NOM1: variants seen among roughly 807,000 people sequenced by gnomAD.
The protein encoded by NOM1 is nucleolar protein with MIF4G domain 1, also known as nucleolar MIF4G domain-containing protein 1.
A neutral mutation model predicts 73.3 loss-of-function variants in NOM1; 58 were observed. The observed-to-expected ratio is 0.79, with a 90% confidence interval of 0.64 to 0.99. NOM1 has a LOEUF of 0.99. NOM1 is among the 50% of genes least tolerant of loss of function. The pLI, the probability that NOM1 is intolerant of heterozygous loss-of-function variation, is 0.00. For synonymous variants in NOM1, 487 were observed against 446.8 expected (o/e 1.09, Z -1.14); for missense variants, 1,226 against 1,131.9 (o/e 1.08, Z -1.19).
At position 156,971,205 on chromosome 7, in the gene NOM1, A is replaced by G. The variant is rs1805132087; in HGVS notation, c.*1502A>G. ...AGACTCAATTTAAATCTTACCTTTG[A>G]TTGTTGAAAAAAGTCACTAAGATGT... On this transcript the variant is annotated 3_prime_UTR_variant, in exon 11 of 11. Transcript: ENST00000275820. 1 of 152,110 alleles carries G rather than the reference A, an allele frequency of 6.6e-6. No individual in the cohort carries two copies. The highest frequency in any genetic ancestry group is 6.5e-5 in the Admixed American group (1 of 15,280). The allele number at this position is 152,110 out of a possible 1,614,324, so 9.4% of individuals were successfully genotyped here.
At chr7:156,962,082 T>G (rs1804877930) in intron 4 of NOM1, 69 bp from the exon 5 acceptor site, 2 of 1,316,536 alleles carry the variant, frequency 1.5e-6, no homozygotes, top group Middle Eastern at 1.8e-4. Context: ...GTAGATTTCT[T>G]GCCAACTTGA....
intron 3 of NOM1, 149 bp downstream of exon 3, chr7:156,954,447 T>A: frequency 1.6e-6 from 1 of 616,548 alleles, no homozygotes; most frequent in Non-Finnish European, 2.5e-6. Flanking sequence ...GTCTATGTCA[T>A]GTAGTTGTAA....
At chr7:156,965,495 G>A (rs1323402836) in intron 7 of NOM1, among the ~76,000 whole-genome samples, 2 of 152,228 alleles carry the variant, frequency 1.3e-5, no homozygotes, top group Non-Finnish European at 2.9e-5. Context: ...ACGGCCCCAG[G>A]TTCTCACGGG....
Position 156,962,146 on chromosome 7 carries a change from T to C in NOM1, c.1633-5T>C. 1.2e-6 allele frequency: 2 copies of C among 1,612,804 alleles called. No individual in the cohort carries two copies. The highest frequency in any genetic ancestry group is 1.7e-6 in the Non-Finnish European group (2 of 1,178,948). On this transcript the variant is annotated splice_region_variant and splice_polypyrimidine_tract_variant and intron_variant, in intron 4 of 10. Coordinates refer to ENST00000275820, the MANE Select transcript of NOM1 (RefSeq NM_138400.2). ...GGACTTTCCATTTTTTCATTTTTCT[T>C]GAAGATTCGGTTTATGCTAGAGACG...
In NOM1 at chr7:156,963,139, T is replaced by C. The variant is rs201678028; in HGVS notation, c.1875T>C (p.Ser625=). 6 of 1,614,096 alleles carry C rather than the reference T, an allele frequency of 3.7e-6. No individual in the cohort carries two copies. Among genetic ancestry groups the C allele is most frequent in the Non-Finnish European group, 3.4e-6 (4 of 1,180,018 alleles). The change falls in exon 6 of 11, where the codon AGT becomes AGC. Residue 625 remains serine (S), a synonymous_variant. Coordinates refer to ENST00000275820, the MANE Select transcript of NOM1 (RefSeq NM_138400.2). ...GTGGGGCCCCGATGATCGACAACAGTCACCATACGCACCTGCAGAAGCAGC... is the reference window on the plus strand; with the variant it reads ...GTGGGGCCCCGATGATCGACAACAGCCACCATACGCACCTGCAGAAGCAGC... ...AWSGAPMIDN[S]HHTHLQKQLV... is the part of the protein sequence containing the mutation.
chr7:156,960,823 C>T (rs1002018206), intron 4 of NOM1, among the ~76,000 whole-genome samples: 4 of 151,996 alleles, frequency 2.6e-5, no homozygotes, highest in African/African-American at 9.7e-5. Flanking sequence ...ATGAGGTGGT[C>T]GAAGTCAGGA....
chr7:156,966,469 A>G, intron 8 of NOM1, 67 bp downstream of exon 8: 3 of 1,583,286 alleles, frequency 1.9e-6, no homozygotes, highest in East Asian at 2.2e-5. Flanking sequence ...TACCTGGCTC[A>G]ACCCACCTGC....
chr7:156,969,507 T>G (rs1364943588), intron 10 of NOM1, 22 bp from the exon 11 acceptor site: 1 of 1,605,180 alleles, frequency 6.2e-7, no homozygotes, highest in Non-Finnish European at 8.5e-7. Context: ...CCCTGACATG[T>G]GTTTATACGA....
intron 6 of NOM1, 51 bp downstream of exon 6, chr7:156,963,226 G>C (rs1161150579): frequency 6.2e-7 from 1 of 1,602,332 alleles, no homozygotes; most frequent in Non-Finnish European, 8.5e-7. Context: ...CCCCTGTGTG[G>C]TGTGTGGTCC....
In NOM1 at chr7:156,969,531, T is replaced by C; in HGVS notation, c.2411T>C (p.Val804Ala). Residue 804 changes from valine (V) to alanine (A), a missense_variant and splice_region_variant, in exon 11 of 11, where the codon GTA becomes GCA. Physicochemically the swap from Val to Ala is moderately conservative, Grantham distance 64 (BLOSUM62 0). Transcript: ENST00000275820. ...VEDLSLIFTR[V>A]SDNPKLGVLR... ...GTGTTTATACGATTCCTTTCCAGAG[T>C]ATCTGACAACCCAAAGCTGGGGGTG... 1 of 1,613,042 alleles carries C rather than the reference T, an allele frequency of 6.2e-7. No individual in the cohort carries two copies. Among genetic ancestry groups the C allele is most frequent in the African/African-American group, 1.3e-5 (1 of 74,996 alleles).
At chr7:156,962,304 G>A (rs137899357) in intron 5 of NOM1, 43 bp downstream of exon 5, 54 of 1,445,394 alleles carry the variant, frequency 3.7e-5, no homozygotes, top group South Asian at 4.6e-5. Context: ...CAGAGCTTCC[G>A]TGTCGGCATG....
At position 156,962,353 on chromosome 7, in the gene NOM1, G is replaced by A. The variant is rs115624353; in HGVS notation, c.1743+92G>A. Reference sequence around the variant, plus strand: ...AATCAAGAAATAGTCAGACCTGCACGTCAGGGTGGTGTCTGGTGAGTGAGA... The same window carrying A: ...AATCAAGAAATAGTCAGACCTGCACATCAGGGTGGTGTCTGGTGAGTGAGA... On this transcript the variant is annotated intron_variant, in intron 5 of 10. Coordinates refer to ENST00000275820, the MANE Select transcript of NOM1 (RefSeq NM_138400.2). 2.5e-3 allele frequency: 2,623 copies of A among 1,035,342 alleles called. 24 individuals are homozygous for A. The African/African-American group carries it at 0.026, about 10-fold the overall frequency. The allele number at this position is 1,035,342 out of a possible 1,614,324, so 64.1% of individuals were successfully genotyped here.
chr7:156,961,845 G>T (rs1299345655), intron 4 of NOM1, among the ~76,000 whole-genome samples: 1 of 152,174 alleles, frequency 6.6e-6, no homozygotes, highest in African/African-American at 2.4e-5. Flanking sequence ...TAGAGGCCGG[G>T]GTGGCCGAGT....
chr7:156,952,887 A>T (rs1804629108), intron 2 of NOM1, among the ~76,000 whole-genome samples: 1 of 152,232 alleles, frequency 6.6e-6, no homozygotes, highest in East Asian at 1.9e-4. Flanking sequence ...CCGTCTAAGG[A>T]CAGTGTTGGA....
intron 9 of NOM1, among the ~76,000 whole-genome samples, chr7:156,967,843 G>A (rs965401807): frequency 2.0e-5 from 3 of 152,142 alleles, no homozygotes; most frequent in African/African-American, 7.2e-5. Flanking sequence ...CATCTTACCA[G>A]GTGGAGTTGG....
chr7:156,968,276 G>C (rs897254796), intron 9 of NOM1, among the ~76,000 whole-genome samples: 2 of 152,176 alleles, frequency 1.3e-5, no homozygotes, highest in Admixed American at 1.3e-4. Flanking sequence ...ACCGATGAGC[G>C]GGAGAGGCGT....
rs1377744697 is a variant in NOM1 at position 156,950,677 on chromosome 7, G to T, written c.940G>T (p.Glu314Ter). 6.4e-7 allele frequency: 1 copy of T among 1,551,990 alleles called. No individual in the cohort carries two copies. Among genetic ancestry groups the T allele is most frequent in the Non-Finnish European group, 8.7e-7 (1 of 1,147,082 alleles). ...GAAGAGAGTCCGTTTTGCAGAAGATGAAGAAAAGAGTGAAAATTCCTCGGA... is the reference window on the plus strand; with the variant it reads ...GAAGAGAGTCCGTTTTGCAGAAGATTAAGAAAAGAGTGAAAATTCCTCGGA... ...RGKRVRFAED[E>*]EKSENSSEDG... Residue 314 changes from glutamate (E) to a stop codon, truncating the protein, a stop_gained, in exon 1 of 11, where the codon GAA becomes TAA. Coordinates refer to ENST00000275820, the MANE Select transcript of NOM1 (RefSeq NM_138400.2). LOFTEE classifies it high-confidence loss of function.
At position 156,973,082 on chromosome 7, in the gene NOM1, T is replaced by C. The variant is rs1805177795; in HGVS notation, c.*3379T>C. ...GAGAACTGCTAATGTATAGAATGACTAAACAGCTGTCTTTCAGGGTATCAT... is the reference window on the plus strand; with the variant it reads ...GAGAACTGCTAATGTATAGAATGACCAAACAGCTGTCTTTCAGGGTATCAT... On this transcript the variant is annotated 3_prime_UTR_variant, in exon 11 of 11. Transcript: ENST00000275820. 7.2e-6 allele frequency: 1 copy of C among 139,142 alleles called. No homozygotes were observed. The highest frequency in any genetic ancestry group is 2.3e-4 in the South Asian group (1 of 4,368). 8.6% of individuals were successfully genotyped at this position (139,142 alleles called of 1,614,324 possible).
intron 8 of NOM1, 131 bp from the exon 9 acceptor site, chr7:156,966,830 C>T (rs1208932598): frequency 4.1e-6 from 4 of 972,396 alleles, no homozygotes; most frequent in Admixed American, 2.9e-5. Context: ...GTGAGGCCAC[C>T]ACTAAAAGTC....
Sources: gnomAD v4.1 joint callset for allele counts (sites outside exome capture counted in the v4.1 genomes callset) on GRCh38, gnomAD v4.1.1 for gene constraint, MANE v1.5 for transcripts, NCBI Gene and HGNC (gene_info 2026-07-23, HGNC 2026-07-21) for gene names.